Variants in DNM3 observed in about 807,000 individuals in gnomAD.
The protein encoded by DNM3 is dynamin 3, also known as dynamin-3.
In DNM3, 47 loss-of-function variants were observed where a neutral mutation model predicts 101.6. That is an observed-to-expected ratio of 0.46 (90% CI 0.37 to 0.59). The LOEUF (loss-of-function observed/expected upper bound fraction) is 0.59. DNM3 is among the 20% of genes least tolerant of loss of function. The probability of loss-of-function intolerance (pLI) is 0.00; values close to 1 mark genes in which losing one functional copy is unlikely to be tolerated. For synonymous variants in DNM3, 385 were observed against 387.9 expected (o/e 0.99, Z 0.09); for missense variants, 849 against 1,085.7 (o/e 0.78, Z 3.06).
At position 172,032,469 on chromosome 1, in the gene DNM3, T is replaced by C. The variant is rs746463030; in HGVS notation, c.657T>C (p.Val219=). 37 of 1,612,078 alleles carry C rather than the reference T, an allele frequency of 2.3e-5. No homozygotes were observed. The highest frequency in any genetic ancestry group is 2.9e-5 in the Non-Finnish European group (34 of 1,179,182). The change falls in exon 5 of 21, where the codon GTT becomes GTC. Residue 219 remains valine, a synonymous_variant. Coordinates refer to ENST00000627582, the MANE Select transcript of DNM3 (RefSeq NM_015569.5). ...LMDEGTDARD[V]LENKLLPLRR... is the part of the protein sequence containing the mutation. ...ATGAAGGAACGGATGCCAGGGATGT[T>C]CTAGAGAACAAACTGTTGCCTCTTC...
Position 172,342,688 on chromosome 1 carries a change from A to G in DNM3, c.1893+19348A>G, listed in dbSNP as rs144452248. 5.9e-5 allele frequency among the ~76,000 whole-genome samples: 9 copies of G among 152,276 alleles called. No homozygotes were observed. The East Asian group carries it at 1.5e-3, about 26-fold the overall frequency. On this transcript the variant is annotated intron_variant, in intron 17 of 20. Coordinates refer to ENST00000627582, the MANE Select transcript of DNM3 (RefSeq NM_015569.5). ...AAACCCCCATGACATGAGCTTACCT[A>G]TGTAACAAACTTGCATGTGTACCCC... is the stretch of plus-strand genomic sequence containing the variant.
intron 1 of DNM3, among the ~76,000 whole-genome samples, chr1:171,881,244 GAATT>G (rs2036244769): frequency 6.6e-6 from 1 of 152,050 alleles, no homozygotes; most frequent in Non-Finnish European, 1.5e-5. Context: ...AGATAAAATG[GAATT>G]AATTCTTAAT....
intron 14 of DNM3, among the ~76,000 whole-genome samples, chr1:172,217,337 A>C (rs10911315): frequency 0.18 from 26,716 of 152,014 alleles, 2,921 homozygotes; most frequent in African/African-American, 0.32. Context: ...AGATCCAAAA[A>C]CAACATGGTT....
chr1:172,007,115 TA>T (rs1418045674), intron 4 of DNM3, among the ~76,000 whole-genome samples: 7 of 152,132 alleles, frequency 4.6e-5, no homozygotes, highest in Non-Finnish European at 1.0e-4. Context: ...AAAGCTGCTG[TA>T]AATATTAATG....
At chr1:172,244,454 A>T (rs1400651306) in intron 14 of DNM3, among the ~76,000 whole-genome samples, 18 of 151,646 alleles carry the variant, frequency 1.2e-4, no homozygotes, top group Admixed American at 1.3e-4. Flanking sequence ...CAACCTACTC[A>T]TCTGACAAAG....
intron 20 of DNM3, among the ~76,000 whole-genome samples, chr1:172,394,967 T>C (rs2069852704): frequency 6.6e-6 from 1 of 152,250 alleles, no homozygotes; most frequent in African/African-American, 2.4e-5. Flanking sequence ...ACTTCGTTGT[T>C]TCCCTCACTT....
intron 14 of DNM3, among the ~76,000 whole-genome samples, chr1:172,225,795 A>C (rs1038619098): frequency 1.3e-5 from 2 of 151,918 alleles, no homozygotes; most frequent in African/African-American, 4.8e-5. Context: ...CTCACCATTC[A>C]GAGAAAACCT....
At chr1:171,956,254 G>A (rs756266359) in intron 2 of DNM3, among the ~76,000 whole-genome samples, 2 of 152,186 alleles carry the variant, frequency 1.3e-5, no homozygotes, top group African/African-American at 4.8e-5. Flanking sequence ...CTGCCTATGA[G>A]CCTGTAAAAT....
At chr1:172,229,073 T>G (rs764658136) in intron 14 of DNM3, among the ~76,000 whole-genome samples, 1 of 152,158 alleles carries the variant, frequency 6.6e-6, no homozygotes, top group African/African-American at 2.4e-5. Flanking sequence ...TTGGCCAAGA[T>G]TTTGCTGTAA....
intron 20 of DNM3, chr1:172,393,140 C>A (rs2069673295): frequency 6.6e-6 from 1 of 152,166 alleles, no homozygotes; most frequent in Non-Finnish European, 1.5e-5. Flanking sequence ...ATCGACCATG[C>A]CAAAAGATTT....
chr1:172,036,045 T>C (rs1434935966), intron 6 of DNM3, among the ~76,000 whole-genome samples: 4 of 151,068 alleles, frequency 2.6e-5, no homozygotes, highest in Non-Finnish European at 5.9e-5. Context: ...AGGGTACATG[T>C]GCACAATCTG....
At chr1:172,133,860 G>A (rs1054759708) in intron 14 of DNM3, among the ~76,000 whole-genome samples, 1 of 152,048 alleles carries the variant, frequency 6.6e-6, no homozygotes, top group Non-Finnish European at 1.5e-5. Context: ...CAGTGGGGGA[G>A]AAAGGAGATA....
intron 15 of DNM3, among the ~76,000 whole-genome samples, chr1:172,306,265 T>A (rs12061815): frequency 0.35 from 52,405 of 151,798 alleles, 10,039 homozygotes; most frequent in African/African-American, 0.52. Context: ...TCATGAGTGA[T>A]CTCCCATTCA....
intron 1 of DNM3, among the ~76,000 whole-genome samples, chr1:171,854,525 T>C (rs1334026026): frequency 6.6e-6 from 1 of 152,102 alleles, no homozygotes; most frequent in Non-Finnish European, 1.5e-5. Context: ...AGTCTCGCTC[T>C]TGTCGCCCAG....
At chr1:172,194,147 C>T (rs1027759476) in intron 14 of DNM3, among the ~76,000 whole-genome samples, 2 of 152,246 alleles carry the variant, frequency 1.3e-5, no homozygotes, top group South Asian at 2.1e-4. Flanking sequence ...GCAGGTTGTT[C>T]AGTTTCCATG....
At chr1:172,290,277 G>A (rs1479204615) in intron 15 of DNM3, among the ~76,000 whole-genome samples, 2 of 152,174 alleles carry the variant, frequency 1.3e-5, no homozygotes, top group African/African-American at 2.4e-5. Context: ...AATGAAAAGA[G>A]TAAGAATGGG....
intron 5 of DNM3, 23 bp downstream of exon 5, chr1:172,032,523 A>C (rs761909465): frequency 9.8e-7 from 1 of 1,018,516 alleles, no homozygotes; most frequent in South Asian, 1.8e-5. Context: ...GGTCTATACA[A>C]GACTTTTTTT....
intron 18 of DNM3, among the ~76,000 whole-genome samples, chr1:172,385,199 T>C (rs1195652025): frequency 1.3e-5 from 2 of 152,212 alleles, no homozygotes; most frequent in Non-Finnish European, 2.9e-5. Flanking sequence ...AAATGAAACA[T>C]TTACCATCTT....
At chr1:172,005,903 TACTA>T (rs1336980336) in intron 4 of DNM3, among the ~76,000 whole-genome samples, 9 of 152,102 alleles carry the variant, frequency 5.9e-5, no homozygotes, top group African/African-American at 1.9e-4. Flanking sequence ...GATCTGATGG[TACTA>T]ACTGTTTACA....
Sources: gnomAD v4.1 joint callset for allele counts (sites outside exome capture counted in the v4.1 genomes callset) on GRCh38, gnomAD v4.1.1 for gene constraint, MANE v1.5 for transcripts, NCBI Gene and HGNC (gene_info 2026-07-23, HGNC 2026-07-21) for gene names.